The following IFFO2 variants were observed in gnomAD, a reference collection of about 807,000 sequenced individuals.
IFFO2 encodes intermediate filament family orphan 2.
IFFO2 carries 19 observed loss-of-function variants against 53.5 expected under a neutral mutation model. The observed-to-expected ratio is 0.36, with a 90% CI of 0.25 to 0.52. The LOEUF (loss-of-function observed/expected upper bound fraction) is 0.52, where lower values mean the gene tolerates loss of function less well. IFFO2 is among the 20% of genes least tolerant of loss of function. The probability of loss-of-function intolerance (pLI) is 0.94; values close to 1 mark genes in which losing one functional copy is unlikely to be tolerated. For missense variants in IFFO2, 570 were observed against 727.4 expected, an observed-to-expected ratio of 0.78 and a Z score of 2.49; for synonymous variants, 303 against 313.6, an observed-to-expected ratio of 0.97 and a Z score of 0.36.
At chr1:18,940,434 G>A (rs1280327978) in intron 1 of IFFO2, among the ~76,000 whole-genome samples, 2 of 152,184 alleles carry the variant, frequency 1.3e-5, no homozygotes, top group South Asian at 4.1e-4. Context: ...TGATTTAACA[G>A]TTCCTTGGCA....
chr1:18,925,894 T>TGGTTGGATGGA (rs1204582314), intron 1 of IFFO2, among the ~76,000 whole-genome samples: 1 of 12,026 alleles, frequency 8.3e-5, no homozygotes, highest in Non-Finnish European at 1.8e-4. Context: ...GATGGATGGA[T>TGGTTGGATGGA]TGGATGGATT....
chr1:18,906,403 TC>T lies in IFFO2; in HGVS notation c.*2157del, dbSNP rs895908167. ...AAGTCTAAAGATATATCTGTCACCCTCCCACCACCTTGGGGAACAACCCAGG... is the reference window on the plus strand; with the variant it reads ...AAGTCTAAAGATATATCTGTCACCCTCCACCACCTTGGGGAACAACCCAGG... On this transcript the variant is annotated 3_prime_UTR_variant, in exon 9 of 9. Transcript: ENST00000455833. 6.6e-6 allele frequency: 1 copy of T among 152,140 alleles called. No individual in the cohort carries two copies. Among genetic ancestry groups the T allele is most frequent in the African/African-American group, 2.4e-5 (1 of 41,400 alleles). 9.4% of individuals were successfully genotyped at this position (152,140 alleles called of 1,614,324 possible). A position where few individuals can be genotyped will look rare whatever the true frequency, so the allele number is the denominator to read the frequency against.
chr1:18,952,953 G>T (rs999929337), intron 1 of IFFO2, among the ~76,000 whole-genome samples: 1 of 152,242 alleles, frequency 6.6e-6, no homozygotes, highest in African/African-American at 2.4e-5. Flanking sequence ...CTCAACAAGC[G>T]TCCGGCTTGA....
chr1:18,912,203 G>T, intron 5 of IFFO2, 120 bp from the exon 6 acceptor site: 1 of 1,231,032 alleles, frequency 8.1e-7, no homozygotes, highest in Non-Finnish European at 1.1e-6. Context: ...CCTCAGGAAA[G>T]ACAGGGGTAG....
At chr1:18,951,446 G>A (rs932702188) in intron 1 of IFFO2, among the ~76,000 whole-genome samples, 3 of 152,194 alleles carry the variant, frequency 2.0e-5, no homozygotes, top group Admixed American at 6.5e-5. Context: ...TCAGCCACTC[G>A]CACGGGAGGG....
chr1:18,937,344 C>T (rs934134613), intron 1 of IFFO2, among the ~76,000 whole-genome samples: 3 of 152,190 alleles, frequency 2.0e-5, no homozygotes, highest in Non-Finnish European at 2.9e-5. Flanking sequence ...ACTGCAAACA[C>T]GCGCACCAAA....
chr1:18,949,451 G>A (rs549168593), intron 1 of IFFO2, among the ~76,000 whole-genome samples: 147 of 152,370 alleles, frequency 9.6e-4, no homozygotes, highest in African/African-American at 3.3e-3. Context: ...CTAATCCTGA[G>A]CACAGGGACA....
At chr1:18,926,735 C>T (rs1483494029) in intron 1 of IFFO2, among the ~76,000 whole-genome samples, 1 of 151,994 alleles carries the variant, frequency 6.6e-6, no homozygotes, top group Non-Finnish European at 1.5e-5. Flanking sequence ...CCCCCTCTCC[C>T]GTCAGCTCAA....
Position 18,944,235 on chromosome 1 carries a change from C to T in IFFO2, c.665+11433G>A, listed in dbSNP as rs140718153. On this transcript the variant is annotated intron_variant, in intron 1 of 8. Transcript: ENST00000455833. The stretch of plus-strand genomic sequence containing the variant: ...TTTGAAAGACAGAAGGCATAGCTAA[C>T]TTGGTTGGGATGTCAGGGAATGATT... Among the ~76,000 whole-genome samples the T allele has an allele frequency of 3.8e-3, 577 of 152,266 alleles. 3 individuals carry two copies. Among genetic ancestry groups the T allele is most frequent in the African/African-American group, 0.013 (555 of 41,530 alleles).
chr1:18,945,269 G>C (rs548152644), intron 1 of IFFO2, among the ~76,000 whole-genome samples: 24 of 152,134 alleles, frequency 1.6e-4, no homozygotes, highest in African/African-American at 5.5e-4. Context: ...CTCTCTGGTC[G>C]TGACTTTGCA....
chr1:18,908,162 C>CGT lies in IFFO2; in HGVS notation c.*398_*399insAC. ...AGCAGGTGGGACGGACGGCAGAAACCACATTACACCACGGCCGGTTGGCCC... is the reference window on the plus strand; with the variant it reads ...AGCAGGTGGGACGGACGGCAGAAACCGTACATTACACCACGGCCGGTTGGCCC... On this transcript the variant is annotated 3_prime_UTR_variant, in exon 9 of 9. Transcript: ENST00000455833. 11 of 220,492 alleles carry CGT rather than the reference C, an allele frequency of 5.0e-5. No homozygotes were observed. The highest frequency in any genetic ancestry group is 2.0e-4 in the Admixed American group (4 of 19,990). 13.7% of individuals were successfully genotyped at this position (220,492 alleles called of 1,614,324 possible).
intron 1 of IFFO2, among the ~76,000 whole-genome samples, chr1:18,934,258 A>C (rs908121995): frequency 2.0e-5 from 3 of 151,146 alleles, no homozygotes; most frequent in African/African-American, 7.3e-5. Context: ...TTTTTTGTAG[A>C]GACGGGGTTT....
intron 5 of IFFO2, among the ~76,000 whole-genome samples, chr1:18,915,114 C>T (rs79164317): frequency 0.011 from 1,731 of 152,222 alleles, 30 homozygotes; most frequent in African/African-American, 0.039. Flanking sequence ...CCAGGCATGG[C>T]GTGGGGGACA....
intron 1 of IFFO2, 96 bp from the exon 2 acceptor site, chr1:18,921,217 T>C: frequency 9.1e-7 from 1 of 1,098,382 alleles, no homozygotes; most frequent in East Asian, 2.6e-5. Flanking sequence ...GGGACTATCT[T>C]GAGCTGGGCA....
Position 18,947,236 on chromosome 1 carries a change from C to A in IFFO2, c.665+8432G>T, listed in dbSNP as rs562123952. 6.6e-6 allele frequency among the ~76,000 whole-genome samples: 1 copy of A among 152,338 alleles called. No homozygotes were observed. The highest frequency in any genetic ancestry group is 1.9e-4 in the East Asian group (1 of 5,182). On this transcript the variant is annotated intron_variant, in intron 1 of 8. Coordinates refer to ENST00000455833, the MANE Select transcript of IFFO2 (RefSeq NM_001136265.2). The surrounding 1 kb of genome is among the most constrained non-coding windows in gnomAD (Gnocchi z 5.0). ...ACTGAAAGCAAAAGCTAGGGATACT[C>A]CAGCCCAGGGCGGAGGCGAGCTCCC...
intron 1 of IFFO2, among the ~76,000 whole-genome samples, chr1:18,924,454 GCAGGAAGGGACAGGC>G (rs1210622872): frequency 6.6e-6 from 1 of 152,248 alleles, no homozygotes; most frequent in Non-Finnish European, 1.5e-5. Context: ...AAAGAGGGCA[GCAGGAAGGGACAGGC>G]CAGGCGCTGT....
At chr1:18,941,093 G>A (rs902086823) in intron 1 of IFFO2, among the ~76,000 whole-genome samples, 9 of 152,228 alleles carry the variant, frequency 5.9e-5, no homozygotes, top group Admixed American at 1.3e-4. Context: ...CACCTGGCAC[G>A]ACTCAAAGTT....
rs1001878788 is a variant in IFFO2 at position 18,916,050 on chromosome 1, G to A, written c.1103+853C>T. Among the ~76,000 whole-genome samples, 5 of 151,920 alleles carry A rather than the reference G, an allele frequency of 3.3e-5. No individual in the cohort carries two copies. Among genetic ancestry groups the A allele is most frequent in the African/African-American group, 9.7e-5 (4 of 41,356 alleles). Reference sequence around the variant, plus strand: ...TGAGGCAGGAGAAACACTGGAACCCGGGAGGCAGAGGTTGCAGTGAGCCGA... The same window carrying A: ...TGAGGCAGGAGAAACACTGGAACCCAGGAGGCAGAGGTTGCAGTGAGCCGA... On this transcript the variant is annotated intron_variant, in intron 5 of 8. Transcript: ENST00000455833. The surrounding 1 kb of genome is among the most constrained non-coding windows in gnomAD (Gnocchi z 4.3).
chr1:18,908,005 C>T lies in IFFO2; in HGVS notation c.*556G>A, dbSNP rs1935976131. 6.5e-6 allele frequency: 1 copy of T among 154,956 alleles called. No individual in the cohort carries two copies. Among genetic ancestry groups the T allele is most frequent in the South Asian group, 2.0e-4 (1 of 5,104 alleles). 9.6% of individuals were successfully genotyped at this position (154,956 alleles called of 1,614,324 possible). On this transcript the variant is annotated 3_prime_UTR_variant, in exon 9 of 9. Transcript: ENST00000455833. Reference sequence around the variant, plus strand: ...CAGGGAGTGAGAAAATTGGGGTGGTCCCTACCCAGGCCTAGAAAGCTCACA... The same window carrying T: ...CAGGGAGTGAGAAAATTGGGGTGGTTCCTACCCAGGCCTAGAAAGCTCACA...
Sources: allele counts gnomAD v4.1 joint callset (sites outside exome capture counted in the v4.1 genomes callset), GRCh38; gene constraint gnomAD v4.1.1; non-coding constraint Gnocchi (gnomAD v3.1); transcripts MANE v1.5; gene names NCBI Gene and HGNC (gene_info 2026-07-23, HGNC 2026-07-21).